Variants in ACYP2 observed in about 807,000 individuals in gnomAD.
ACYP2 encodes acylphosphatase-2.
A neutral mutation model predicts 11.2 loss-of-function variants in ACYP2; 12 were observed. The observed-to-expected ratio is 1.08, with a 90% CI of 0.69 to 1.74. ACYP2 has a LOEUF of 1.74. ACYP2 is among the 40% of genes most tolerant of loss of function. The pLI is 0.00. For synonymous variants in ACYP2, 43 were observed against 32.2 expected (o/e 1.33, Z -1.13); for missense variants, 134 against 101.9 (o/e 1.31, Z -1.35).
At chr2:54,219,889 A>G (rs370902439) in intron 6 of ACYP2, among the ~76,000 whole-genome samples, 19,756 of 82,640 alleles carry the variant, frequency 0.24, 2,410 homozygotes, top group East Asian at 0.34. Context: ...GTGTATATAT[A>G]TATATATATA....
intron 2 of ACYP2, among the ~76,000 whole-genome samples, chr2:53,980,604 A>G (rs1671705558): frequency 6.6e-6 from 1 of 152,100 alleles, no homozygotes; most frequent in East Asian, 1.9e-4. Context: ...GTGTAGCCTA[A>G]GCATACAGTG....
chr2:54,203,974 T>C (rs1405804986), intron 6 of ACYP2, among the ~76,000 whole-genome samples: 2 of 152,088 alleles, frequency 1.3e-5, no homozygotes, highest in African/African-American at 4.8e-5. Flanking sequence ...CTTAAAACAT[T>C]ATGAGGTTTT....
intron 6 of ACYP2, among the ~76,000 whole-genome samples, chr2:54,303,274 C>T (rs996834109): frequency 2.0e-5 from 3 of 152,012 alleles, no homozygotes; most frequent in African/African-American, 7.3e-5. Context: ...TTACTTGAGC[C>T]CTGAAGGTCA....
chr2:54,173,578 C>T (rs1424522425), intron 6 of ACYP2, among the ~76,000 whole-genome samples: 2 of 152,114 alleles, frequency 1.3e-5, no homozygotes, highest in African/African-American at 4.8e-5. Context: ...CTTTTGTTGC[C>T]ATTGCTTTTG....
intron 4 of ACYP2, among the ~76,000 whole-genome samples, chr2:54,057,794 G>A (rs976353561): frequency 2.6e-5 from 4 of 152,160 alleles, no homozygotes; most frequent in African/African-American, 9.7e-5. Context: ...CAAATGAGGA[G>A]TCAAAGCAGG....
At chr2:54,095,506 G>A (rs1678487826) in intron 4 of ACYP2, among the ~76,000 whole-genome samples, 1 of 150,624 alleles carries the variant, frequency 6.6e-6, no homozygotes, top group Admixed American at 6.6e-5. Flanking sequence ...GGCTGGCTGG[G>A]CGGGGGGCTG....
intron 2 of ACYP2, among the ~76,000 whole-genome samples, chr2:53,982,441 GATGAATGACACAGTACC>G (rs1170830863): frequency 1.3e-5 from 2 of 152,152 alleles, no homozygotes; most frequent in African/African-American, 4.8e-5. Flanking sequence ...GAGATCGTTA[GATGAATGACACAGTACC>G]TGTCCTCAAG....
intron 6 of ACYP2, among the ~76,000 whole-genome samples, chr2:54,248,338 A>G (rs558796318): frequency 6.6e-6 from 1 of 152,350 alleles, no homozygotes; most frequent in South Asian, 2.1e-4. Context: ...GGTGGAATAG[A>G]TAAGTATCAC....
intron 2 of ACYP2, among the ~76,000 whole-genome samples, chr2:54,038,673 C>CCATA (rs1491354411): frequency 1.9e-5 from 2 of 106,102 alleles, no homozygotes; most frequent in African/African-American, 3.7e-5. Context: ...TTATTGAATA[C>CCATA]TATATATATA....
intron 2 of ACYP2, among the ~76,000 whole-genome samples, chr2:54,005,342 ATTTT>A (rs768882230): frequency 7.1e-6 from 1 of 141,798 alleles, no homozygotes. Flanking sequence ...ATGAAAGTCT[ATTTT>A]TTTTTTTTTT....
chr2:54,026,058 A>G (rs545723947), intron 2 of ACYP2, among the ~76,000 whole-genome samples: 131 of 152,316 alleles, frequency 8.6e-4, no homozygotes, highest in African/African-American at 2.9e-3. Flanking sequence ...TGGAGGTTGC[A>G]GTGAGCTGAG....
chr2:53,977,790 C>T (rs987230870), intron 2 of ACYP2, among the ~76,000 whole-genome samples: 1 of 151,352 alleles, frequency 6.6e-6, no homozygotes, highest in African/African-American at 2.4e-5. Flanking sequence ...AGTAACGCTG[C>T]CTCAAATTTG....
At chr2:54,076,676 G>A (rs77597708) in intron 4 of ACYP2, among the ~76,000 whole-genome samples, 2,597 of 152,272 alleles carry the variant, frequency 0.017, 37 homozygotes, top group Non-Finnish European at 0.025. Context: ...TTTGGAGAAG[G>A]AATTTTGAAG....
chr2:54,109,434 TA>T (rs1169368804), intron 4 of ACYP2, among the ~76,000 whole-genome samples: 5 of 151,928 alleles, frequency 3.3e-5, no homozygotes, highest in Admixed American at 1.3e-4. Context: ...GGGTGAGGGA[TA>T]AAAAAACTGC....
intron 4 of ACYP2, among the ~76,000 whole-genome samples, chr2:54,077,644 C>G (rs1035087752): frequency 6.6e-6 from 1 of 152,174 alleles, no homozygotes; most frequent in Non-Finnish European, 1.5e-5. Flanking sequence ...GAGTGTCCAG[C>G]AAAATTGTTC....
chr2:54,109,479 G>A (rs1324399691), intron 4 of ACYP2, among the ~76,000 whole-genome samples: 2 of 151,760 alleles, frequency 1.3e-5, no homozygotes, highest in Admixed American at 6.6e-5. Flanking sequence ...TTGAGGGATG[G>A]GTGCACCAAA....
rs553813269 is a variant in ACYP2, at chr2:54,121,007, G to A, written c.278-14446G>A. ...GCTGCCTGCAGCTCAGCAAATGGGG[G>A]CATGTTGGCACACAATGGTTTTTTC... is the stretch of plus-strand genomic sequence containing the variant. On this transcript the variant is annotated intron_variant, in intron 4 of 6. Transcript: ENST00000607452. Among the ~76,000 whole-genome samples the A allele has an allele frequency of 4.6e-5, 7 of 152,278 alleles. No homozygotes were observed. In the East Asian group the frequency reaches 1.3e-3, roughly 29 times the overall value.
At chr2:54,141,516 CT>C (rs1291455520) in intron 6 of ACYP2, among the ~76,000 whole-genome samples, 1 of 152,222 alleles carries the variant, frequency 6.6e-6, no homozygotes, top group Non-Finnish European at 1.5e-5. Flanking sequence ...AATAATCACT[CT>C]TTCCCCCATT....
rs183567919 is a variant in ACYP2, at chr2:54,143,496, C to T, written c.404+4748C>T. Among the ~76,000 whole-genome samples the T allele has an allele frequency of 2.1e-3, 317 of 152,196 alleles. 1 individual carries two copies. The highest frequency in any genetic ancestry group is 3.0e-3 in the Non-Finnish European group (204 of 68,010). On this transcript the variant is annotated intron_variant, in intron 6 of 6. Transcript: ENST00000607452. The stretch of plus-strand genomic sequence containing the variant: ...TTGCCCACGCTGGAGTGCAATGGTA[C>T]GATCTTGGCTTACTTCAACCTCTGC...
Sources: allele counts gnomAD v4.1 joint callset (sites outside exome capture counted in the v4.1 genomes callset), GRCh38; gene constraint gnomAD v4.1.1; transcripts MANE v1.5; gene names NCBI Gene and HGNC (gene_info 2026-07-23, HGNC 2026-07-21).